Variants in MICALL2 observed in about 807,000 individuals in gnomAD.
The protein encoded by MICALL2 is MICAL-like protein 2.
In MICALL2, 111 loss-of-function variants were observed where a neutral mutation model predicts 91.1. The observed-to-expected ratio is 1.22, with a 90% CI of 1.04 to 1.43. MICALL2 has a LOEUF of 1.43. Among genes scored for constraint, MICALL2 ranks in the 40% most tolerant of loss-of-function variants. The probability of loss-of-function intolerance (pLI) is 0.00; values close to 1 mark genes in which losing one functional copy is unlikely to be tolerated. For synonymous variants in MICALL2, 694 were observed against 525.3 expected (o/e 1.32, Z -4.39); for missense variants, 1,556 against 1,236.0 (o/e 1.26, Z -3.88).
chr7:1,450,631 C>A, intron 1 of MICALL2: 1 of 256,674 alleles, frequency 3.9e-6, no homozygotes. Flanking sequence ...CAGCACAGCT[C>A]AGCTCGGAGG....
rs564379469 is a variant in MICALL2, at chr7:1,435,239, C to T, written c.2592-92G>A. 48 of 1,339,080 alleles carry T rather than the reference C, an allele frequency of 3.6e-5. 2 individuals carry two copies. The South Asian group carries it at 5.6e-4, about 16-fold the overall frequency. 82.9% of individuals were successfully genotyped at this position (1,339,080 alleles called of 1,614,324 possible). A position where few individuals can be genotyped will look rare whatever the true frequency, so the allele number is the denominator to read the frequency against. On this transcript the variant is annotated intron_variant, in intron 15 of 16. Coordinates refer to ENST00000297508, the MANE Select transcript of MICALL2 (RefSeq NM_182924.4). ...ACAGTCTCCAGCAGTGGCACCCCAG[C>T]CCTGAGTCCCGCCTGGACCCATGCC...
Position 1,434,518 on chromosome 7 carries a change from C to T in MICALL2, c.*78G>A, listed in dbSNP as rs577981031. 98 of 1,336,630 alleles carry T rather than the reference C, an allele frequency of 7.3e-5. No individual in the cohort carries two copies. The highest frequency in any genetic ancestry group is 9.4e-5 in the Non-Finnish European group (87 of 928,464). The allele number at this position is 1,336,630 out of a possible 1,614,324, so 82.8% of individuals were successfully genotyped here. On this transcript the variant is annotated 3_prime_UTR_variant, in exon 17 of 17. Transcript: ENST00000297508. ...CGGCCCCGAGTACAAGTCCGGGTTC[C>T]GGGTCCGGGCCAAGCCCATGGCCCC...
rs1225032278 is a variant in MICALL2 at position 1,438,292 on chromosome 7, G to C, written c.2184C>G (p.Val728=). Reference sequence around the variant, plus strand: ...CCGGCTCCCCACCACTACTCACCCTGACTGGGGAGGTCACCGTCTCGCCAG... The same window carrying C: ...CCGGCTCCCCACCACTACTCACCCTCACTGGGGAGGTCACCGTCTCGCCAG... ...ALPGETVTSP[V]RLHPDYLSPE... The change falls in exon 11 of 17, where the codon GTC becomes GTG. Residue 728 remains valine (V), a synonymous_variant. Coordinates refer to ENST00000297508, the MANE Select transcript of MICALL2 (RefSeq NM_182924.4). 3 of 1,599,012 alleles carry C rather than the reference G, an allele frequency of 1.9e-6. No individual in the cohort carries two copies. Among genetic ancestry groups the C allele is most frequent in the Non-Finnish European group, 2.6e-6 (3 of 1,173,486 alleles).
intron 7 of MICALL2, chr7:1,440,972 A>T: frequency 4.6e-6 from 2 of 435,836 alleles, no homozygotes; most frequent in Non-Finnish European, 8.6e-6. Flanking sequence ...AGCCCCGTGG[A>T]CCCTGATCCT....
rs745703017 is a variant in MICALL2, at chr7:1,446,831, G to C, written c.526-3C>G. On this transcript the variant is annotated splice_region_variant and splice_polypyrimidine_tract_variant and intron_variant, in intron 4 of 16. Transcript: ENST00000297508. ...AAGCTGCCCGCCAATGCCTGGTCCT[G>C]GGGAAGATGCCAGCACCTCTCTGAG... The C allele has an allele frequency of 6.3e-7, 1 of 1,575,856 alleles. No individual in the cohort carries two copies.
In MICALL2 at chr7:1,447,645, A is replaced by G. The variant is rs565214794; in HGVS notation, c.455T>C (p.Leu152Pro). The G allele has an allele frequency of 3.1e-6, 5 of 1,596,672 alleles. No homozygotes were observed. In the East Asian group the frequency reaches 9.0e-5, roughly 29 times the overall value. The change falls in exon 4 of 17, where the codon CTA (leucine) becomes CCA (proline). Residue 152 changes from leucine to proline, a missense_variant. Coordinates refer to ENST00000297508, the MANE Select transcript of MICALL2 (RefSeq NM_182924.4). ...CACAGGGTTTGTCTGGGCTGGAGAT[A>G]GTGGAGGCTTCCGGGCTGGGGCGGG... ...PSPAPARKPP[L>P]SPAQTNPVVQ...
intron 14 of MICALL2, 158 bp downstream of exon 14, chr7:1,437,377 G>GTTAAGTACCTTGGCTGAGGAC: frequency 6.3e-6 from 4 of 636,452 alleles, no homozygotes; most frequent in Non-Finnish European, 1.0e-5. Flanking sequence ...ACACAGCCAG[G>GTTAAGTACCTTGGCTGAGGAC]AGGTGGGAGA....
rs372764545 is a variant in MICALL2 at position 1,446,693 on chromosome 7, C to T, written c.641+20G>A. ...GAGGGGAGGTGCACACTCAGGCGTG[C>T]GGGCAGAGGGCAGCCCCACCTGAAG... is the stretch of plus-strand genomic sequence containing the variant. On this transcript the variant is annotated intron_variant, in intron 5 of 16. Transcript: ENST00000297508. 50 of 1,541,276 alleles carry T rather than the reference C, an allele frequency of 3.2e-5. No individual in the cohort carries two copies. Among genetic ancestry groups the T allele is most frequent in the African/African-American group, 3.0e-4 (22 of 73,244 alleles).
In MICALL2 at chr7:1,459,225, C is replaced by G. The variant is rs1380369244; in HGVS notation, c.102G>C (p.Leu34=). The G allele has an allele frequency of 3.1e-6, 5 of 1,610,984 alleles. No individual in the cohort carries two copies. The highest frequency in any genetic ancestry group is 4.2e-6 in the Non-Finnish European group (5 of 1,179,086). ...GGCGGTGCAGGATGGCGCAGAAAGCCAGGCCGTCGCGGAACGACGTGGTCA... is the reference window on the plus strand; with the variant it reads ...GGCGGTGCAGGATGGCGCAGAAAGCGAGGCCGTCGCGGAACGACGTGGTCA... ...CNMTTSFRDG[L]AFCAILHRHR... Residue 34 remains leucine (L), a synonymous_variant, in exon 1 of 17, where the codon CTG becomes CTC. Transcript: ENST00000297508.
Position 1,438,304 on chromosome 7 carries a change from C to T in MICALL2, c.2172G>A (p.Val724=), listed in dbSNP as rs144524707. ...ANVPALPGET[V]TSPVRLHPDY... ...CACTACTCACCCTGACTGGGGAGGT[C>T]ACCGTCTCGCCAGGCAGAGCAGGGA... The change falls in exon 11 of 17, where the codon GTG becomes GTA. Residue 724 remains valine (V), a synonymous_variant. Transcript: ENST00000297508. 2.9e-5 allele frequency: 46 copies of T among 1,601,844 alleles called. No homozygotes were observed. The African/African-American group carries it at 5.9e-4, about 20-fold the overall frequency.
In MICALL2 at chr7:1,444,647, C is replaced by A; in HGVS notation, c.1418+5G>T. 6.2e-7 allele frequency: 1 copy of A among 1,607,792 alleles called. No homozygotes were observed. The highest frequency in any genetic ancestry group is 1.3e-5 in the African/African-American group (1 of 75,004). ...CCCGGGGTCCCTCGGTCCCCACGCG[C>A]TCACCTGCCAGGCGCCGGAGCGCCA... On this transcript the variant is annotated splice_donor_5th_base_variant and intron_variant, in intron 6 of 16. Transcript: ENST00000297508.
chr7:1,437,156 C>A, intron 14 of MICALL2: 1 of 480,528 alleles, frequency 2.1e-6, no homozygotes, highest in Non-Finnish European at 3.6e-6. Flanking sequence ...AGGGCAGAGG[C>A]AGACGGCCTG....
chr7:1,434,548 C>G lies in MICALL2; in HGVS notation c.*48G>C. On this transcript the variant is annotated 3_prime_UTR_variant, in exon 17 of 17. Transcript: ENST00000297508. ...CCGGGCCAAGCCCATGGCCCCGAGTCCAAGTCCGGATGCCAGGTCCGGGCC... is the reference window on the plus strand; with the variant it reads ...CCGGGCCAAGCCCATGGCCCCGAGTGCAAGTCCGGATGCCAGGTCCGGGCC... The G allele has an allele frequency of 6.5e-7, 1 of 1,537,170 alleles. No individual in the cohort carries two copies.
rs1584235545 is a variant in MICALL2, at chr7:1,454,342, G to A, written c.144-4054C>T. Among the ~76,000 whole-genome samples, 12 of 152,174 alleles carry A rather than the reference G, an allele frequency of 7.9e-5. No homozygotes were observed. The South Asian group carries it at 2.5e-3, about 32-fold the overall frequency. On this transcript the variant is annotated intron_variant, in intron 1 of 16. Coordinates refer to ENST00000297508, the MANE Select transcript of MICALL2 (RefSeq NM_182924.4). ...ACCCCAGCGGAGATGGTGGAGGGAG[G>A]CCCAAGAGAGACAGGGACCAGATGG...
At chr7:1,454,290 C>T (rs2128525855) in intron 1 of MICALL2, among the ~76,000 whole-genome samples, 1 of 151,986 alleles carries the variant, frequency 6.6e-6, no homozygotes, top group Admixed American at 6.5e-5. Context: ...GGTGGACGGA[C>T]AGAGAGAGCT....
chr7:1,459,359 C>T lies in MICALL2; in HGVS notation c.-33G>A. 1.4e-6 allele frequency: 2 copies of T among 1,457,722 alleles called. No homozygotes were observed. Among genetic ancestry groups the T allele is most frequent in the Non-Finnish European group, 1.8e-6 (2 of 1,105,432 alleles). The allele number at this position is 1,457,722 out of a possible 1,614,324, so 90.3% of individuals were successfully genotyped here. A position where few individuals can be genotyped will look rare whatever the true frequency, so the allele number is the denominator to read the frequency against. On this transcript the variant is annotated 5_prime_UTR_variant, in exon 1 of 17. Coordinates refer to ENST00000297508, the MANE Select transcript of MICALL2 (RefSeq NM_182924.4). ...GCGCGCCCGCCGCGCGGCGGAACCG[C>T]CCTCCGACACCTTCCCGCGGCTGTG...
chr7:1,442,348 G>T lies in MICALL2; in HGVS notation c.1555C>A (p.Pro519Thr), dbSNP rs774793630. The change falls in exon 7 of 17, where the codon CCG (proline) becomes ACG (threonine). Residue 519 changes from proline (P) to threonine (T), a missense_variant. Physicochemically the swap from Pro to Thr is conservative, Grantham distance 38 (BLOSUM62 -1). Coordinates refer to ENST00000297508, the MANE Select transcript of MICALL2 (RefSeq NM_182924.4). ...TGAGAGGTACTGCTCGTGCTCAGCGGGGCTGGCGGTTCCATCCTCGAAGGG... is the reference window on the plus strand; with the variant it reads ...TGAGAGGTACTGCTCGTGCTCAGCGTGGCTGGCGGTTCCATCCTCGAAGGG... ...GLPSRMEPPA[P>T]LSTSSTSQAS... 6.8e-6 allele frequency: 11 copies of T among 1,612,650 alleles called. No homozygotes were observed. The Admixed American group carries it at 1.8e-4, about 27-fold the overall frequency.
chr7:1,439,335 CGT>C (rs1780146031), intron 9 of MICALL2: 1 of 309,044 alleles, frequency 3.2e-6, no homozygotes, highest in African/African-American at 2.1e-5. Flanking sequence ...CGGGTGCACA[CGT>C]GGACACACAT....
intron 6 of MICALL2, among the ~76,000 whole-genome samples, chr7:1,442,869 G>A (rs1304466514): frequency 1.3e-5 from 2 of 152,232 alleles, no homozygotes; most frequent in East Asian, 1.9e-4. Flanking sequence ...GGAGGCACCT[G>A]GGGCTTTGTC....
Sources: allele counts gnomAD v4.1 joint callset (sites outside exome capture counted in the v4.1 genomes callset), GRCh38; gene constraint gnomAD v4.1.1; transcripts MANE v1.5; gene names NCBI Gene and HGNC (gene_info 2026-07-23, HGNC 2026-07-21).